Variants in RASSF3 observed in about 807,000 individuals in gnomAD.
RASSF3 encodes Ras association domain family member 3.
Under a neutral mutation model 19.9 loss-of-function variants are expected in RASSF3, and 19 were observed. That is an observed-to-expected ratio of 0.96 (90% CI 0.67 to 1.40). The LOEUF is 1.40. Among genes scored for constraint, RASSF3 ranks in the 40% most tolerant of loss-of-function variants. RASSF3 has a pLI of 0.00. For synonymous variants in RASSF3, 110 were observed against 104.2 expected (o/e 1.06, Z -0.34); for missense variants, 306 against 289.8 (o/e 1.06, Z -0.41).
At chr12:64,624,713 G>A (rs566041170) in intron 1 of RASSF3, among the ~76,000 whole-genome samples, 1 of 152,306 alleles carries the variant, frequency 6.6e-6, no homozygotes, top group African/African-American at 2.4e-5. Context: ...AGGCTGGAGT[G>A]CAGTGGCGCG....
intron 1 of RASSF3, among the ~76,000 whole-genome samples, chr12:64,663,528 T>A (rs534444939): frequency 2.8e-5 from 2 of 70,972 alleles, no homozygotes; most frequent in African/African-American, 8.8e-5. Context: ...TTATTGTTAT[T>A]TTTTTTTTTT....
chr12:64,543,656 G>A (rs1288727673), downstream of RASSF3, among the ~76,000 whole-genome samples: 1 of 150,930 alleles, frequency 6.6e-6, no homozygotes, highest in Admixed American at 6.6e-5. Flanking sequence ...GCGCGGGACT[G>A]GCAGGTGGCT....
chr12:64,558,781 T>G (rs1445362580), intron 2 of RASSF3, among the ~76,000 whole-genome samples: 3 of 152,140 alleles, frequency 2.0e-5, no homozygotes, highest in Non-Finnish European at 4.4e-5. Context: ...GGCCACCCCT[T>G]CAGTCAATGG....
chr12:64,585,098 A>T (rs190278893), intron 2 of RASSF3, among the ~76,000 whole-genome samples: 1 of 152,026 alleles, frequency 6.6e-6, no homozygotes, highest in East Asian at 1.9e-4. Flanking sequence ...GTTGGCCAGG[A>T]TGGTCTCAAT....
intron 2 of RASSF3, among the ~76,000 whole-genome samples, chr12:64,565,066 C>CTTA (rs1869406926): frequency 6.6e-6 from 1 of 151,546 alleles, no homozygotes; most frequent in Non-Finnish European, 1.5e-5. Flanking sequence ...CAGGTGTGAG[C>CTTA]CACCACACCT....
At chr12:64,634,967 C>CTTTTTTTTTTT (rs139897110) in intron 1 of RASSF3, among the ~76,000 whole-genome samples, 1 of 128,130 alleles carries the variant, frequency 7.8e-6, no homozygotes, top group Non-Finnish European at 1.7e-5. Context: ...CTTTTCTTTT[C>CTTTTTTTTTTT]TTTTTTTTTT....
intron 1 of RASSF3, chr12:64,611,476 G>A (rs1048509419): frequency 2.6e-5 from 4 of 152,264 alleles, no homozygotes; most frequent in Non-Finnish European, 2.9e-5. Flanking sequence ...AGATGGGAAG[G>A]GAACTTGTGC....
rs114253009 is a variant in RASSF3, at chr12:64,670,952, G to A, written c.112-13835G>A. Among the ~76,000 whole-genome samples, 719 of 152,232 alleles carry A rather than the reference G, an allele frequency of 4.7e-3. 11 individuals carry two copies. The highest frequency in any genetic ancestry group is 0.016 in the African/African-American group (659 of 41,530). The stretch of plus-strand genomic sequence containing the variant: ...CCTCCGGCAAAATAAATCTCCCTAA[G>A]CCTCTATTTCCTATATGCAAAATAG... On this transcript the variant is annotated intron_variant, in intron 1 of 4. Transcript: ENST00000542104.
At chr12:64,550,135 C>A (rs1869133250) in intron 2 of RASSF3, among the ~76,000 whole-genome samples, 1 of 152,208 alleles carries the variant, frequency 6.6e-6, no homozygotes, top group East Asian at 1.9e-4. Context: ...CTCCTTCCTG[C>A]CCTCTCTTTT....
rs34515445 is a variant in RASSF3 at position 64,600,033 on chromosome 12, CAA to C, written c.294+58349_294+58350del. 7.7e-4 allele frequency among the ~76,000 whole-genome samples: 49 copies of C among 63,992 alleles called. No individual in the cohort carries two copies. The South Asian group carries it at 8.3e-3, about 11-fold the overall frequency. The allele number at this position is 63,992 out of a possible 152,430, so 42.0% of individuals were successfully genotyped here. ...GGCGAGAGAGAGAGAGACTCCATCT[CAA>C]AAAAAAAAAAAAAAAAAAAAGAATA... On this transcript the variant is annotated intron_variant, in intron 2 of 5. Coordinates refer to the RASSF3 transcript ENST00000637125.
chr12:64,562,017 A>T (rs1163812100), intron 2 of RASSF3, among the ~76,000 whole-genome samples: 1 of 131,074 alleles, frequency 7.6e-6, no homozygotes, highest in Non-Finnish European at 1.7e-5. Context: ...TTATTTATTT[A>T]TTTATTTTTG....
chr12:64,539,287 AGCCACCG>A (rs1868893588), intron 1 of RASSF3, among the ~76,000 whole-genome samples: 1 of 151,970 alleles, frequency 6.6e-6, no homozygotes, highest in Non-Finnish European at 1.5e-5. Context: ...CTTCTTATAA[AGCCACCG>A]GTCTCATCAT....
intron 1 of RASSF3, among the ~76,000 whole-genome samples, chr12:64,510,449 T>G: frequency 6.6e-6 from 1 of 152,120 alleles, no homozygotes; most frequent in East Asian, 1.9e-4. Context: ...TATCCTAGAG[T>G]CATCTAAAGG....
upstream of RASSF3, among the ~76,000 whole-genome samples, chr12:64,532,098 T>C (rs919734255): frequency 2.0e-5 from 3 of 152,122 alleles, no homozygotes; most frequent in African/African-American, 7.2e-5. Context: ...TTTCTAACCA[T>C]TAAAAAGGCA....
intron 2 of RASSF3, among the ~76,000 whole-genome samples, chr12:64,563,156 T>C (rs577434802): frequency 6.6e-6 from 1 of 151,020 alleles, no homozygotes; most frequent in South Asian, 2.1e-4. Flanking sequence ...TTCTGTCTTT[T>C]ATTTATTTTT....
At chr12:64,577,262 A>T (rs1869610456) in intron 2 of RASSF3, among the ~76,000 whole-genome samples, 1 of 152,148 alleles carries the variant, frequency 6.6e-6, no homozygotes, top group Non-Finnish European at 1.5e-5. Flanking sequence ...CAGACTGATG[A>T]TGAAACTCAT....
At chr12:64,690,677 G>C (rs1477840980) in intron 3 of RASSF3, among the ~76,000 whole-genome samples, 1 of 151,294 alleles carries the variant, frequency 6.6e-6, no homozygotes, top group Non-Finnish European at 1.5e-5. Context: ...TGGAGACCAG[G>C]GTCCTGCTAT....
chr12:64,536,289 C>G (rs1294350314), intron 1 of RASSF3, among the ~76,000 whole-genome samples: 1 of 151,212 alleles, frequency 6.6e-6, no homozygotes. Context: ...GGATTACAGG[C>G]ATGAACCACC....
intron 2 of RASSF3, among the ~76,000 whole-genome samples, chr12:64,685,995 C>T (rs570634243): frequency 6.6e-6 from 1 of 152,188 alleles, no homozygotes; most frequent in East Asian, 1.9e-4. Context: ...CAGGCCCTAC[C>T]GAATCGGTGA....
Sources: allele counts gnomAD v4.1 joint callset (sites outside exome capture counted in the v4.1 genomes callset), GRCh38; gene constraint gnomAD v4.1.1; transcripts MANE v1.5; gene names NCBI Gene and HGNC (gene_info 2026-07-23, HGNC 2026-07-21).